The following UEVLD variants were observed in gnomAD, a reference collection of about 807,000 sequenced individuals.
UEVLD encodes the protein UEV and lactate/malate dehyrogenase domains.
In UEVLD, 47 loss-of-function variants were observed where a neutral mutation model predicts 58.6. The ratio of observed to expected loss-of-function variants is 0.80; its 90% confidence interval spans 0.63 to 1.02. UEVLD has a LOEUF of 1.02. Ranked by LOEUF, UEVLD falls within the 50% of genes least tolerant of loss-of-function variation. The pLI is 0.00. For synonymous variants in UEVLD, 197 were observed against 195.3 expected, an observed-to-expected ratio of 1.01 and a Z score of -0.07; for missense variants, 510 against 550.6, an observed-to-expected ratio of 0.93 and a Z score of 0.74.
chr11:18,544,885 AT>A, intron 8 of UEVLD, 89 bp from the exon 9 acceptor site: 1 of 981,318 alleles, frequency 1.0e-6, no homozygotes, highest in Non-Finnish European at 1.4e-6. Flanking sequence ...TTTAATAAGT[AT>A]ATTAGGTCCT....
chr11:18,541,219 C>G (rs570506163), intron 9 of UEVLD, among the ~76,000 whole-genome samples: 1 of 152,254 alleles, frequency 6.6e-6, no homozygotes, highest in Admixed American at 6.5e-5. Context: ...TTCCTCAAAA[C>G]TTGTAAATTA....
intron 7 of UEVLD, among the ~76,000 whole-genome samples, chr11:18,551,140 C>T (rs1851507870): frequency 6.6e-6 from 1 of 152,124 alleles, no homozygotes; most frequent in Non-Finnish European, 1.5e-5. Context: ...GGTTAAGGAT[C>T]AGGATAGGCC....
chr11:18,544,901 G>A, intron 8 of UEVLD, 105 bp from the exon 9 acceptor site: 1 of 675,798 alleles, frequency 1.5e-6, no homozygotes, highest in Non-Finnish European at 2.2e-6. Flanking sequence ...GGTCCTCAAT[G>A]CACTGAGGCA....
intron 1 of UEVLD, among the ~76,000 whole-genome samples, chr11:18,586,983 G>A (rs182038338): frequency 2.3e-4 from 35 of 152,260 alleles, no homozygotes; most frequent in African/African-American, 8.4e-4. Context: ...AGTGAGCAGA[G>A]ATCGCGCCAC....
chr11:18,539,846 A>G (rs1850980810), intron 9 of UEVLD, among the ~76,000 whole-genome samples: 1 of 152,172 alleles, frequency 6.6e-6, no homozygotes, highest in South Asian at 2.1e-4. Flanking sequence ...CAGGAAATAG[A>G]CCTAAAGGTC....
In UEVLD at chr11:18,536,465, G is replaced by T; in HGVS notation, c.1065C>A (p.Leu355=). The T allele has an allele frequency of 6.2e-7, 1 of 1,613,260 alleles. No homozygotes were observed. Residue 355 remains leucine, a synonymous_variant, in exon 10 of 12, where the codon CTC becomes CTA. Coordinates refer to ENST00000396197, the MANE Select transcript of UEVLD (RefSeq NM_001040697.4). ...CTACTTCTTCTTGGCCACTCCATGTGAGCACTAAAATTAGATGAAGAATTA... is the reference window on the plus strand; with the variant it reads ...CTACTTCTTCTTGGCCACTCCATGTTAGCACTAAAATTAGATGAAGAATTA... ...VIGEQGEDKV[L]TWSGQEEVVS... is the part of the protein sequence containing the mutation.
intron 4 of UEVLD, among the ~76,000 whole-genome samples, chr11:18,569,562 A>C (rs1852483644): frequency 6.6e-6 from 1 of 152,330 alleles, no homozygotes; most frequent in East Asian, 1.9e-4. Flanking sequence ...TCATCATTAA[A>C]TGTCTTACGT....
intron 7 of UEVLD, among the ~76,000 whole-genome samples, chr11:18,550,302 A>T (rs372350287): frequency 7.9e-5 from 12 of 152,126 alleles, no homozygotes; most frequent in African/African-American, 2.4e-4. Context: ...ATTTCTTTAA[A>T]TTCTCCTACA....
chr11:18,564,577 TTAAA>T (rs1451274687), intron 6 of UEVLD, among the ~76,000 whole-genome samples: 1 of 151,822 alleles, frequency 6.6e-6, no homozygotes, highest in Non-Finnish European at 1.5e-5. Context: ...AATTACTACA[TTAAA>T]TGAGTTTAAT....
intron 1 of UEVLD, among the ~76,000 whole-genome samples, chr11:18,579,906 T>A (rs1260827985): frequency 1.3e-5 from 2 of 152,114 alleles, no homozygotes; most frequent in African/African-American, 2.4e-5. Context: ...TACAGAACAT[T>A]GTTGAAAAAA....
intron 7 of UEVLD, among the ~76,000 whole-genome samples, chr11:18,555,957 A>T (rs187532377): frequency 6.0e-4 from 91 of 152,304 alleles, no homozygotes; most frequent in African/African-American, 2.1e-3. Context: ...TCTAGAAAAA[A>T]AAAATGTACA....
At chr11:18,543,394 A>G (rs1851149950) in intron 9 of UEVLD, among the ~76,000 whole-genome samples, 1 of 152,246 alleles carries the variant, frequency 6.6e-6, no homozygotes. Context: ...ACTAGTCCAC[A>G]TTTTTTATCC....
chr11:18,588,475 G>A, intron 1 of UEVLD, 138 bp downstream of exon 1: 1 of 1,021,800 alleles, frequency 9.8e-7, no homozygotes, highest in Non-Finnish European at 1.4e-6. Flanking sequence ...GCGCCCCATA[G>A]CCGGTTTCAG....
At position 18,531,032 on chromosome 11, in the gene UEVLD, G is replaced by GT. The variant is rs1850542328; in HGVS notation, c.*1287dup. ...GAGTCACTGCGCCTAGCCCATGTTT[G>GT]TTTTTTATAAAAGCATGCCCTTACA... is the stretch of plus-strand genomic sequence containing the variant. On this transcript the variant is annotated 3_prime_UTR_variant, in exon 12 of 12. Transcript: ENST00000396197. 6.6e-6 allele frequency: 1 copy of GT among 152,154 alleles called. No homozygotes were observed. Among genetic ancestry groups the GT allele is most frequent in the African/African-American group, 2.4e-5 (1 of 41,436 alleles). The allele number at this position is 152,154 out of a possible 1,614,324, so 9.4% of individuals were successfully genotyped here.
chr11:18,568,330 AT>A (rs1447685998), intron 4 of UEVLD, among the ~76,000 whole-genome samples: 4 of 152,358 alleles, frequency 2.6e-5, no homozygotes, highest in African/African-American at 9.6e-5. Context: ...AACAGGATAC[AT>A]GAATTCCTGC....
intron 6 of UEVLD, among the ~76,000 whole-genome samples, chr11:18,560,683 G>A (rs189411298): frequency 2.0e-4 from 31 of 152,224 alleles, no homozygotes; most frequent in African/African-American, 6.0e-4. Flanking sequence ...TAATCAATCC[G>A]TGAAGCATAT....
chr11:18,567,284 TAATA>T (rs1183255923), intron 4 of UEVLD, among the ~76,000 whole-genome samples: 1 of 152,206 alleles, frequency 6.6e-6, no homozygotes, highest in Non-Finnish European at 1.5e-5. Flanking sequence ...ACAAAGTGAA[TAATA>T]AATCCCAAAT....
At chr11:18,583,773 T>C (rs1191311406) in intron 1 of UEVLD, among the ~76,000 whole-genome samples, 1 of 151,200 alleles carries the variant, frequency 6.6e-6, no homozygotes, top group Non-Finnish European at 1.5e-5. Context: ...GCGATTGTCC[T>C]GCCTCAGCCT....
In UEVLD at chr11:18,534,281, A is replaced by C. The variant is rs374550395; in HGVS notation, c.1248+49T>G. The stretch of plus-strand genomic sequence containing the variant: ...ATAATGATTTTGTTAGTTTTGTATT[A>C]ATAATATCTAAGTTTAAAATATAAT... On this transcript the variant is annotated intron_variant, in intron 11 of 11. Coordinates refer to ENST00000396197, the MANE Select transcript of UEVLD (RefSeq NM_001040697.4). The C allele has an allele frequency of 6.1e-5, 81 of 1,332,894 alleles. No individual in the cohort carries two copies. The African/African-American group carries it at 1.1e-3, about 18-fold the overall frequency. The allele number at this position is 1,332,894 out of a possible 1,614,324, so 82.6% of individuals were successfully genotyped here. A position where few individuals can be genotyped will look rare whatever the true frequency, so the allele number is the denominator to read the frequency against.
Sources: allele counts gnomAD v4.1 joint callset (sites outside exome capture counted in the v4.1 genomes callset), GRCh38; gene constraint gnomAD v4.1.1; transcripts MANE v1.5; gene names NCBI Gene and HGNC (gene_info 2026-07-23, HGNC 2026-07-21).